Variants in STX8 observed in about 807,000 individuals in gnomAD.
The protein encoded by STX8 is syntaxin-8.
In STX8, 23 loss-of-function variants were observed where a neutral mutation model predicts 37.5. That is an observed-to-expected ratio of 0.61 (90% CI 0.44 to 0.87). The LOEUF is 0.87. Ranked by LOEUF, STX8 falls within the 40% of genes least tolerant of loss-of-function variation. STX8 has a pLI of 0.00. For synonymous variants in STX8, 115 were observed against 99.1 expected, an observed-to-expected ratio of 1.16 and a Z score of -0.95; for missense variants, 313 against 284.7, an observed-to-expected ratio of 1.10 and a Z score of -0.71.
At chr17:9,350,673 C>T (rs934773125) in intron 7 of STX8, among the ~76,000 whole-genome samples, 1 of 152,138 alleles carries the variant, frequency 6.6e-6, no homozygotes, top group African/African-American at 2.4e-5. Flanking sequence ...CCTGGGATTA[C>T]AGGTGCCCGC....
At chr17:9,493,837 T>C (rs1434740378) in intron 5 of STX8, among the ~76,000 whole-genome samples, 1 of 152,170 alleles carries the variant, frequency 6.6e-6, no homozygotes, top group Non-Finnish European at 1.5e-5. Context: ...CCCATAGTGA[T>C]ATACTTATAA....
intron 4 of STX8, among the ~76,000 whole-genome samples, chr17:9,536,434 T>C (rs1454134968): frequency 6.6e-6 from 1 of 152,196 alleles, no homozygotes; most frequent in Non-Finnish European, 1.5e-5. Context: ...TTTTTCCCTA[T>C]TTAAGCCATT....
chr17:9,530,019 A>T (rs1905749487), intron 4 of STX8, among the ~76,000 whole-genome samples: 2 of 152,082 alleles, frequency 1.3e-5, no homozygotes, highest in African/African-American at 2.4e-5. Context: ...AAAAAATAGC[A>T]CTGCTAGGCC....
chr17:9,338,046 G>A (rs987419622), intron 7 of STX8, among the ~76,000 whole-genome samples: 4 of 135,128 alleles, frequency 3.0e-5, no homozygotes, highest in African/African-American at 1.2e-4. Context: ...CACCTCTGAA[G>A]GATTTTTTTT....
intron 7 of STX8, among the ~76,000 whole-genome samples, chr17:9,323,199 T>A (rs938935440): frequency 2.0e-5 from 3 of 152,126 alleles, no homozygotes; most frequent in Non-Finnish European, 4.4e-5. Flanking sequence ...TCCTTATAAA[T>A]CCTTTGAGTT....
At chr17:9,465,987 T>C (rs74458316) in intron 6 of STX8, among the ~76,000 whole-genome samples, 1 of 152,080 alleles carries the variant, frequency 6.6e-6, no homozygotes, top group African/African-American at 2.4e-5. Flanking sequence ...TTTTTTTTTT[T>C]CAGATGGAGT....
intron 4 of STX8, among the ~76,000 whole-genome samples, chr17:9,537,393 T>C (rs997063105): frequency 1.3e-5 from 2 of 152,184 alleles, no homozygotes; most frequent in Non-Finnish European, 2.9e-5. Context: ...ACACCCTCAT[T>C]CTTCTCCAGT....
chr17:9,563,887 T>C (rs1907351588), intron 2 of STX8, among the ~76,000 whole-genome samples: 1 of 152,154 alleles, frequency 6.6e-6, no homozygotes. Flanking sequence ...AAAAAGCTTA[T>C]CCACCACGAT....
intron 5 of STX8, among the ~76,000 whole-genome samples, chr17:9,500,998 G>A (rs1421149129): frequency 6.6e-6 from 1 of 151,892 alleles, no homozygotes; most frequent in Non-Finnish European, 1.5e-5. Flanking sequence ...GAGTGAGACT[G>A]TCTCAAAAAA....
At chr17:9,331,793 C>T (rs1219275188) in intron 7 of STX8, among the ~76,000 whole-genome samples, 1 of 152,124 alleles carries the variant, frequency 6.6e-6, no homozygotes, top group Non-Finnish European at 1.5e-5. Flanking sequence ...CCCTCTCTGC[C>T]TTTTTCCTTC....
chr17:9,352,757 C>T (rs1910753483), intron 7 of STX8, among the ~76,000 whole-genome samples: 2 of 152,128 alleles, frequency 1.3e-5, no homozygotes, highest in Non-Finnish European at 2.9e-5. Flanking sequence ...CCGCCTCGGC[C>T]TCCCCCTTAC....
In STX8 at chr17:9,409,890, A is replaced by T. The variant is rs546020350; in HGVS notation, c.542-31237T>A. Among the ~76,000 whole-genome samples the T allele has an allele frequency of 5.9e-5, 9 of 152,362 alleles. No individual in the cohort carries two copies. In the South Asian group the frequency reaches 1.9e-3, roughly 32 times the overall value. ...AAGTAAGAGAAATCTCCTTTGCCAC[A>T]GTTAATCATCGGAACATCTATAAAC... On this transcript the variant is annotated intron_variant, in intron 6 of 7. Transcript: ENST00000306357.
At chr17:9,515,995 T>A (rs2142515422) in intron 4 of STX8, among the ~76,000 whole-genome samples, 1 of 152,208 alleles carries the variant, frequency 6.6e-6, no homozygotes, top group South Asian at 2.1e-4. Flanking sequence ...AACTCTCATA[T>A]CATCTTGCAA....
chr17:9,368,560 T>C (rs1911303728), intron 7 of STX8, among the ~76,000 whole-genome samples: 1 of 152,106 alleles, frequency 6.6e-6, no homozygotes, highest in African/African-American at 2.4e-5. Context: ...CTTACCCATG[T>C]CCTGCCATTC....
rs73973751 is a variant in STX8, at chr17:9,436,957, C to T, written c.541+54872G>A. On this transcript the variant is annotated intron_variant, in intron 6 of 7. Coordinates refer to ENST00000306357, the MANE Select transcript of STX8 (RefSeq NM_004853.3). ...TGATTTTAGGACAGGCAAGCAATCA[C>T]AAAATACTCTTCTGTGCAATAAATA... Among the ~76,000 whole-genome samples the T allele has an allele frequency of 3.0e-3, 464 of 152,258 alleles. 4 individuals are homozygous for T. Among genetic ancestry groups the T allele is most frequent in the African/African-American group, 0.01 (425 of 41,542 alleles).
chr17:9,440,873 A>T (rs1904624718), intron 6 of STX8, among the ~76,000 whole-genome samples: 1 of 152,036 alleles, frequency 6.6e-6, no homozygotes, highest in Non-Finnish European at 1.5e-5. Context: ...AGTCTTCAGT[A>T]ATTTCCCAAC....
chr17:9,285,261 T>C (rs1158366641), intron 7 of STX8, among the ~76,000 whole-genome samples: 1 of 152,030 alleles, frequency 6.6e-6, no homozygotes, highest in Non-Finnish European at 1.5e-5. Flanking sequence ...GGGCTCAGAC[T>C]CAGGAATCTG....
intron 7 of STX8, among the ~76,000 whole-genome samples, chr17:9,287,338 G>T (rs986119482): frequency 1.3e-5 from 2 of 152,130 alleles, no homozygotes; most frequent in South Asian, 2.1e-4. Flanking sequence ...TGCCACCACC[G>T]CACACAATCA....
chr17:9,510,870 C>T (rs764697604), intron 4 of STX8, among the ~76,000 whole-genome samples: 25 of 151,208 alleles, frequency 1.7e-4, no homozygotes, highest in Non-Finnish European at 3.0e-4. Context: ...ATTAGCTAGA[C>T]TAAGAAAAAA....
Sources: allele counts gnomAD v4.1 joint callset (sites outside exome capture counted in the v4.1 genomes callset), GRCh38; gene constraint gnomAD v4.1.1; transcripts MANE v1.5; gene names NCBI Gene and HGNC (gene_info 2026-07-23, HGNC 2026-07-21).